ESRRB: variants seen among roughly 807,000 people sequenced by gnomAD.
ESRRB encodes the protein steroid hormone receptor ERR2.
A neutral mutation model predicts 46.0 loss-of-function variants in ESRRB; 16 were observed. That is an observed-to-expected ratio of 0.35 (90% CI 0.24 to 0.53). The LOEUF (loss-of-function observed/expected upper bound fraction) is 0.53. ESRRB is among the 20% of genes least tolerant of loss of function. The pLI is 0.93. For missense variants in ESRRB, 488 were observed against 607.4 expected, an observed-to-expected ratio of 0.80 and a Z score of 2.07; for synonymous variants, 246 against 259.6, an observed-to-expected ratio of 0.95 and a Z score of 0.50.
chr14:76,372,964 T>C (rs1318587956), upstream of ESRRB, among the ~76,000 whole-genome samples: 2 of 152,266 alleles, frequency 1.3e-5, no homozygotes, highest in African/African-American at 4.8e-5. Flanking sequence ...CTTCACCACA[T>C]AGAGAAATTT....
chr14:76,427,479 T>G (rs1887254778), intron 1 of ESRRB, among the ~76,000 whole-genome samples: 1 of 152,062 alleles, frequency 6.6e-6, no homozygotes, highest in East Asian at 1.9e-4. Context: ...TGCCTGAATA[T>G]GGGACCCCTT....
chr14:76,416,479 C>CT (rs1566886261), intron 1 of ESRRB, among the ~76,000 whole-genome samples: 4 of 151,212 alleles, frequency 2.6e-5, no homozygotes, highest in Middle Eastern at 3.5e-3. Context: ...GTTCTTTTCT[C>CT]TTTTTTTGAG....
intron 1 of ESRRB, among the ~76,000 whole-genome samples, chr14:76,405,213 C>A (rs1418011052): frequency 1.3e-5 from 2 of 152,112 alleles, no homozygotes; most frequent in Non-Finnish European, 2.9e-5. Flanking sequence ...GCAATCCTCC[C>A]ACCTCAGCCT....
At chr14:76,481,529 C>A (rs1416039276) in intron 3 of ESRRB, among the ~76,000 whole-genome samples, 1 of 152,218 alleles carries the variant, frequency 6.6e-6, no homozygotes, top group Non-Finnish European at 1.5e-5. Context: ...GCTAGAACCT[C>A]AGAGAGTGGG....
intron 2 of ESRRB, 118 bp downstream of exon 2, chr14:76,439,868 G>A: frequency 3.5e-6 from 4 of 1,146,834 alleles, no homozygotes; most frequent in Non-Finnish European, 2.5e-6. Flanking sequence ...CTGTTGGAGC[G>A]GTACTTCTGT....
At chr14:76,469,701 C>A (rs115266431) in intron 3 of ESRRB, among the ~76,000 whole-genome samples, 1 of 152,074 alleles carries the variant, frequency 6.6e-6, no homozygotes, top group East Asian at 1.9e-4. Flanking sequence ...TTAAAAAAAT[C>A]CACAACTATA....
At chr14:76,463,141 C>G (rs1595143220) in intron 3 of ESRRB, 1 of 220,372 alleles carries the variant, frequency 4.5e-6, no homozygotes. Context: ...ATGCTGCTCC[C>G]TTCCTTGTTC....
At chr14:76,373,888 C>T (rs1342018600), upstream of ESRRB, among the ~76,000 whole-genome samples, 1 of 152,250 alleles carries the variant, frequency 6.6e-6, no homozygotes, top group Non-Finnish European at 1.5e-5. Flanking sequence ...GCAGACCCCA[C>T]TTTCTCCTCA....
chr14:76,481,685 A>C (rs772378454), intron 3 of ESRRB, among the ~76,000 whole-genome samples: 1 of 152,222 alleles, frequency 6.6e-6, no homozygotes, highest in Non-Finnish European at 1.5e-5. Flanking sequence ...CAGATCTAAC[A>C]TAATGTGACT....
At chr14:76,474,994 T>C (rs896592360) in intron 3 of ESRRB, among the ~76,000 whole-genome samples, 1 of 151,320 alleles carries the variant, frequency 6.6e-6, no homozygotes, top group Non-Finnish European at 1.5e-5. Flanking sequence ...TTTGGGAGGC[T>C]GAGGCAGAAG....
chr14:76,476,214 C>G (rs1889581101), intron 3 of ESRRB, among the ~76,000 whole-genome samples: 1 of 151,958 alleles, frequency 6.6e-6, no homozygotes, highest in South Asian at 2.1e-4. Flanking sequence ...ATTCATGGAG[C>G]ACTCAGAAAT....
chr14:76,415,065 G>T (rs1055647292), intron 1 of ESRRB, among the ~76,000 whole-genome samples: 1 of 152,220 alleles, frequency 6.6e-6, no homozygotes, highest in Non-Finnish European at 1.5e-5. Flanking sequence ...TTCTCAGGGT[G>T]CTGTGGGGAC....
intron 2 of ESRRB, among the ~76,000 whole-genome samples, chr14:76,445,937 C>A (rs952041049): frequency 6.6e-6 from 1 of 152,328 alleles, no homozygotes; most frequent in African/African-American, 2.4e-5. Context: ...CCACCCACCT[C>A]AGCCTCCCAA....
intron 1 of ESRRB, among the ~76,000 whole-genome samples, chr14:76,391,157 C>T (rs549381159): frequency 6.6e-6 from 1 of 152,270 alleles, no homozygotes; most frequent in East Asian, 1.9e-4. Context: ...TGGGATGCTA[C>T]AGGAAAGCGG....
Position 76,498,991 on chromosome 14 carries a change from A to T in ESRRB, c.*533A>T. 1 of 388,066 alleles carries T rather than the reference A, an allele frequency of 2.6e-6. No individual in the cohort carries two copies. The highest frequency in any genetic ancestry group is 5.3e-6 in the Non-Finnish European group (1 of 187,114). 24.0% of individuals were successfully genotyped at this position (388,066 alleles called of 1,614,324 possible). A position where few individuals can be genotyped will look rare whatever the true frequency, so the allele number is the denominator to read the frequency against. On this transcript the variant is annotated 3_prime_UTR_variant, in exon 7 of 7. Transcript: ENST00000644823. ...CCTCTGGGGCCGGTCAAGAGGCCCC[A>T]TACCTTCCACAGTTTCCACTCAGCT...
At chr14:76,409,991 AG>A (rs921256417) in intron 1 of ESRRB, among the ~76,000 whole-genome samples, 4 of 152,114 alleles carry the variant, frequency 2.6e-5, no homozygotes, top group African/African-American at 9.7e-5. Context: ...TGAGAGGCTG[AG>A]GGGGGTGGAT....
intron 1 of ESRRB, among the ~76,000 whole-genome samples, chr14:76,434,369 G>A (rs1203808212): frequency 2.0e-5 from 3 of 152,152 alleles, no homozygotes; most frequent in South Asian, 2.1e-4. Flanking sequence ...AAATAACAGC[G>A]AAGCTGGGGG....
chr14:76,361,894 T>G (rs1884469213), intron 1 of ESRRB, among the ~76,000 whole-genome samples: 1 of 152,116 alleles, frequency 6.6e-6, no homozygotes, highest in Non-Finnish European at 1.5e-5. Context: ...GAAGATATGT[T>G]TGGTCCTCCA....
At chr14:76,456,079 A>ACACACAC (rs1566908058) in intron 2 of ESRRB, among the ~76,000 whole-genome samples, 18 of 122,398 alleles carry the variant, frequency 1.5e-4, no homozygotes, top group African/African-American at 5.6e-4. Flanking sequence ...CACACACACA[A>ACACACAC]AAGAAAGAAA....
Sources: gnomAD v4.1 joint callset for allele counts (sites outside exome capture counted in the v4.1 genomes callset) on GRCh38, gnomAD v4.1.1 for gene constraint, MANE v1.5 for transcripts, NCBI Gene and HGNC (gene_info 2026-07-23, HGNC 2026-07-21) for gene names.